PLPP3: variants seen among roughly 807,000 people sequenced by gnomAD.
PLPP3 encodes the protein phospholipid phosphatase 3.
A neutral mutation model predicts 29.6 loss-of-function variants in PLPP3; 6 were observed. The ratio of observed to expected loss-of-function variants is 0.20; its 90% CI spans 0.11 to 0.40. The LOEUF (loss-of-function observed/expected upper bound fraction) is 0.40. Among genes scored for constraint, PLPP3 ranks in the 10% least tolerant of loss-of-function variants. The pLI, the probability that PLPP3 is intolerant of heterozygous loss-of-function variation, is 1.00. For missense variants in PLPP3, 308 were observed against 407.7 expected, an observed-to-expected ratio of 0.76 and a Z score of 2.11; for synonymous variants, 152 against 159.7, an observed-to-expected ratio of 0.95 and a Z score of 0.36.
rs1645624024 is a variant in PLPP3 at position 56,495,330 on chromosome 1, C to G, written c.*1221G>C. On this transcript the variant is annotated 3_prime_UTR_variant, in exon 6 of 6. Transcript: ENST00000371250. ...CAGTAGAAGGGGTCCCTGTCTATCACCTAGAGTGGGACCTTGCATGGAAGG... is the reference window on the plus strand; with the variant it reads ...CAGTAGAAGGGGTCCCTGTCTATCAGCTAGAGTGGGACCTTGCATGGAAGG... 6.6e-6 allele frequency: 1 copy of G among 152,562 alleles called. No homozygotes were observed. Among genetic ancestry groups the G allele is most frequent in the African/African-American group, 2.4e-5 (1 of 41,420 alleles). 9.5% of individuals were successfully genotyped at this position (152,562 alleles called of 1,614,324 possible).
At chr1:56,555,771 A>G (rs541158840) in intron 1 of PLPP3, among the ~76,000 whole-genome samples, 23 of 152,276 alleles carry the variant, frequency 1.5e-4, no homozygotes, top group Non-Finnish European at 2.9e-4. Context: ...AGCCTCCCAC[A>G]TCGCTGGGGA....
intron 1 of PLPP3, among the ~76,000 whole-genome samples, chr1:56,570,760 T>TA (rs1159293863): frequency 6.6e-6 from 1 of 152,062 alleles, no homozygotes; most frequent in Non-Finnish European, 1.5e-5. Flanking sequence ...AATAAATAAA[T>TA]AATAAAAAGC....
chr1:56,578,409 G>A (rs951120286), intron 1 of PLPP3, among the ~76,000 whole-genome samples: 1 of 152,136 alleles, frequency 6.6e-6, no homozygotes, highest in East Asian at 1.9e-4. Flanking sequence ...AAGGCGGAAG[G>A]GCTGGATGTT....
chr1:56,578,885 G>C lies in PLPP3; in HGVS notation c.132C>G (p.Leu44=). 1 of 1,583,000 alleles carries C rather than the reference G, an allele frequency of 6.3e-7. No individual in the cohort carries two copies. The highest frequency in any genetic ancestry group is 8.6e-7 in the Non-Finnish European group (1 of 1,167,132). The change falls in exon 1 of 6, where the codon CTC becomes CTG. Residue 44 remains leucine, a synonymous_variant. Coordinates refer to ENST00000371250, the MANE Select transcript of PLPP3 (RefSeq NM_003713.5). ...CAGCGGGGCTGGGCTCACCCATGAAGAGGCAGAAGAGGTCGAGGCAGATGA... is the reference window on the plus strand; with the variant it reads ...CAGCGGGGCTGGGCTCACCCATGAACAGGCAGAAGAGGTCGAGGCAGATGA... ...VLLICLDLFC[L]FMAGLPFLII...
chr1:56,541,966 CAAAAA>C (rs71813861), intron 1 of PLPP3, among the ~76,000 whole-genome samples: 5 of 126,604 alleles, frequency 3.9e-5, no homozygotes, highest in Admixed American at 7.7e-5. Context: ...AAAGCATGAC[CAAAAA>C]AAAAAAAAAA....
intron 1 of PLPP3, among the ~76,000 whole-genome samples, chr1:56,565,575 C>T (rs752403507): frequency 6.6e-6 from 1 of 152,078 alleles, no homozygotes; most frequent in Non-Finnish European, 1.5e-5. Flanking sequence ...CACCCGCAAC[C>T]GCACCCGGCT....
intron 1 of PLPP3, among the ~76,000 whole-genome samples, chr1:56,563,314 G>A (rs924367901): frequency 2.0e-5 from 3 of 152,134 alleles, no homozygotes; most frequent in Non-Finnish European, 4.4e-5. Flanking sequence ...AACTGAATAG[G>A]GGCCCTACAA....
intron 2 of PLPP3, among the ~76,000 whole-genome samples, chr1:56,528,289 G>C (rs1050941259): frequency 2.0e-5 from 3 of 152,182 alleles, no homozygotes; most frequent in South Asian, 2.1e-4. Context: ...AGTTTGGAGA[G>C]AGGTTGGCTC....
At chr1:56,498,937 C>A (rs1370110288) in intron 5 of PLPP3, among the ~76,000 whole-genome samples, 1 of 152,184 alleles carries the variant, frequency 6.6e-6, no homozygotes, top group African/African-American at 2.4e-5. Context: ...TGGCCCATCA[C>A]TACTTTTAAC....
chr1:56,574,814 G>C (rs901690510), intron 1 of PLPP3, among the ~76,000 whole-genome samples: 3 of 152,132 alleles, frequency 2.0e-5, no homozygotes, highest in African/African-American at 7.2e-5. Flanking sequence ...AATGACAAAT[G>C]GTCTAAGAGG....
intron 2 of PLPP3, among the ~76,000 whole-genome samples, chr1:56,530,962 C>T (rs1194367318): frequency 6.6e-6 from 1 of 152,190 alleles, no homozygotes; most frequent in Non-Finnish European, 1.5e-5. Context: ...TAAAGTAGAG[C>T]TCAAGTGCCA....
intron 2 of PLPP3, among the ~76,000 whole-genome samples, chr1:56,530,309 AC>A (rs1249733302): frequency 9.2e-6 from 1 of 109,032 alleles, no homozygotes; most frequent in African/African-American, 3.9e-5. Flanking sequence ...TTCAATTGTT[AC>A]CTCTGTGAAG....
At position 56,495,669 on chromosome 1, in the gene PLPP3, C is replaced by G. The variant is rs1645626783; in HGVS notation, c.*882G>C. 1.3e-5 allele frequency: 2 copies of G among 152,688 alleles called. No homozygotes were observed. The highest frequency in any genetic ancestry group is 2.9e-5 in the Non-Finnish European group (2 of 68,064). 9.5% of individuals were successfully genotyped at this position (152,688 alleles called of 1,614,324 possible). ...TTCCGTCAGCTGGTGGCAGACCATG[C>G]CTTGCTCATTCCTGGGCCCTCACAG... On this transcript the variant is annotated 3_prime_UTR_variant, in exon 6 of 6. Transcript: ENST00000371250.
intron 4 of PLPP3, among the ~76,000 whole-genome samples, chr1:56,518,662 T>A (rs1407063435): frequency 2.0e-5 from 3 of 150,972 alleles, no homozygotes; most frequent in Non-Finnish European, 4.4e-5. Context: ...TAGTAGTGAA[T>A]GAAGAGACCA....
intron 1 of PLPP3, among the ~76,000 whole-genome samples, chr1:56,566,407 C>G (rs192048029): frequency 2.2e-4 from 34 of 152,280 alleles, no homozygotes; most frequent in Non-Finnish European, 4.4e-4. Flanking sequence ...CTCTTACCTC[C>G]GTTCTGTAAA....
intron 3 of PLPP3, 107 bp from the exon 4 acceptor site, chr1:56,523,987 G>T: frequency 7.6e-7 from 1 of 1,310,822 alleles, no homozygotes; most frequent in Non-Finnish European, 1.1e-6. Flanking sequence ...CAGGCACTAG[G>T]CCCTGTTCAT....
chr1:56,542,683 AGGCATCT>A (rs1368156790), intron 1 of PLPP3, among the ~76,000 whole-genome samples: 2 of 152,224 alleles, frequency 1.3e-5, no homozygotes, highest in Admixed American at 6.5e-5. Context: ...GCACAAAAAT[AGGCATCT>A]GGTATAGCAT....
At chr1:56,541,803 T>C (rs1301161819) in intron 1 of PLPP3, among the ~76,000 whole-genome samples, 1 of 152,084 alleles carries the variant, frequency 6.6e-6, no homozygotes, top group Non-Finnish European at 1.5e-5. Flanking sequence ...AAGGCACTGT[T>C]CAGAACAATC....
chr1:56,539,987 C>T (rs969055667), intron 1 of PLPP3, among the ~76,000 whole-genome samples: 18 of 152,264 alleles, frequency 1.2e-4, no homozygotes, highest in African/African-American at 4.1e-4. Context: ...TCTCAGACCT[C>T]CAGCTTCTAT....
Sources: gnomAD v4.1 joint callset for allele counts (sites outside exome capture counted in the v4.1 genomes callset) on GRCh38, gnomAD v4.1.1 for gene constraint, MANE v1.5 for transcripts, NCBI Gene and HGNC (gene_info 2026-07-23, HGNC 2026-07-21) for gene names.